KIF27: variants seen among roughly 807,000 people sequenced by gnomAD.
KIF27 encodes the protein kinesin-like protein KIF27.
Under a neutral mutation model 141.8 loss-of-function variants are expected in KIF27, and 84 were observed. That is an observed-to-expected ratio of 0.59 (90% CI 0.50 to 0.71). The LOEUF (loss-of-function observed/expected upper bound fraction) is 0.71. Among genes scored for constraint, KIF27 ranks in the 30% least tolerant of loss-of-function variants. The pLI is 0.00. For synonymous variants in KIF27, 471 were observed against 569.5 expected (o/e 0.83, Z 2.46); for missense variants, 1,306 against 1,628.4 (o/e 0.80, Z 3.41).
At chr9:83,859,918 G>A (rs1234093597) in intron 13 of KIF27, 1 of 150,174 alleles carries the variant, frequency 6.7e-6, no homozygotes, top group African/African-American at 2.4e-5. Context: ...GCCAAGAATT[G>A]CCTTGACTAG....
At chr9:83,913,947 A>G (rs1280712914) in intron 2 of KIF27, among the ~76,000 whole-genome samples, 1 of 152,102 alleles carries the variant, frequency 6.6e-6, no homozygotes, top group South Asian at 2.1e-4. Flanking sequence ...TAATTTAAAA[A>G]AAGTAGAAAG....
chr9:83,881,581 G>A (rs185842875), intron 10 of KIF27, among the ~76,000 whole-genome samples: 14 of 152,352 alleles, frequency 9.2e-5, no homozygotes, highest in Admixed American at 2.6e-4. Flanking sequence ...GTTTTCATGT[G>A]AGACTTTTTT....
At chr9:83,862,139 G>A (rs1306928515) in intron 13 of KIF27, among the ~76,000 whole-genome samples, 76 of 152,156 alleles carry the variant, frequency 5.0e-4, no homozygotes, top group Non-Finnish European at 8.8e-4. Flanking sequence ...TGTTCACTCT[G>A]ACGGTAGTTT....
chr9:83,913,214 G>T (rs1047980510), intron 2 of KIF27, among the ~76,000 whole-genome samples: 1 of 151,990 alleles, frequency 6.6e-6, no homozygotes, highest in African/African-American at 2.4e-5. Context: ...CTACAAAAAG[G>T]TTTTTAAAAT....
intron 14 of KIF27, among the ~76,000 whole-genome samples, chr9:83,857,895 G>C (rs2780155): frequency 4.6e-5 from 7 of 150,882 alleles, no homozygotes; most frequent in South Asian, 4.2e-4. Flanking sequence ...TCAGAGTTTA[G>C]AGTTTTCTTA....
rs1563988025 is a variant in KIF27 at position 83,903,097 on chromosome 9, G to A, written c.1421C>T (p.Thr474Ile). ...AAGCTCTCTCTTCAGCTGGAGAACTGTAACATGCTGTGGTCCTTCTTCCAG... is the reference window on the plus strand; with the variant it reads ...AAGCTCTCTCTTCAGCTGGAGAACTATAACATGCTGTGGTCCTTCTTCCAG... Reference protein sequence around the residue: ...ASLEEGPQHVTVLQLKRELKK... With the variant: ...ASLEEGPQHVIVLQLKRELKK... The change falls in exon 4 of 18, where the codon ACA becomes ATA. Residue 474 changes from threonine to isoleucine, a missense_variant. By Grantham distance (89) the Thr-to-Ile change is moderately conservative (BLOSUM62 -1). Transcript: ENST00000297814. The A allele has an allele frequency of 1.2e-6, 2 of 1,613,976 alleles. No individual in the cohort carries two copies. Among genetic ancestry groups the A allele is most frequent in the Admixed American group, 1.7e-5 (1 of 60,010 alleles).
intron 7 of KIF27, 50 bp downstream of exon 7, chr9:83,889,034 T>G: frequency 6.4e-7 from 1 of 1,551,212 alleles, no homozygotes; most frequent in Non-Finnish European, 8.7e-7. Flanking sequence ...CTATATTTAT[T>G]GCAGCATATA....
chr9:83,855,553 T>C (rs1179649724), intron 14 of KIF27, among the ~76,000 whole-genome samples: 2 of 152,212 alleles, frequency 1.3e-5, no homozygotes, highest in African/African-American at 4.8e-5. Context: ...TTATCCAATA[T>C]AGAGTAAGTC....
intron 2 of KIF27, among the ~76,000 whole-genome samples, chr9:83,911,111 G>A (rs1361160088): frequency 6.6e-6 from 1 of 152,100 alleles, no homozygotes; most frequent in Non-Finnish European, 1.5e-5. Context: ...GTGTCACCCA[G>A]GCTGGAGTGC....
chr9:83,883,954 T>C lies in KIF27; in HGVS notation c.2304A>G (p.Ala768=). ...CAATCAGTTCGACTTTTGCCTGTTC[T>C]GCATCATGCTCTAGCTTTGTTACTT... is the stretch of plus-strand genomic sequence containing the variant. ...SLKVTKLEHD[A]EQAKVELIET... Residue 768 remains alanine, a synonymous_variant, in exon 10 of 18, where the codon GCA becomes GCG. Transcript: ENST00000297814. The C allele has an allele frequency of 6.2e-7, 1 of 1,613,830 alleles. No individual in the cohort carries two copies. The highest frequency in any genetic ancestry group is 8.5e-7 in the Non-Finnish European group (1 of 1,179,770).
chr9:83,837,247 C>A lies in KIF27; in HGVS notation c.3960G>T (p.Glu1320Asp), dbSNP rs765389677. 1.2e-6 allele frequency: 2 copies of A among 1,613,424 alleles called. No individual in the cohort carries two copies. The highest frequency in any genetic ancestry group is 1.7e-6 in the Non-Finnish European group (2 of 1,179,652). Reference sequence around the variant, plus strand: ...GATTATCATCTGTTTCTGTTTTATTCTCATTACCTAACATATGCCCACTGG... The same window carrying A: ...GATTATCATCTGTTTCTGTTTTATTATCATTACCTAACATATGCCCACTGG... ...APPSGHMLGN[E>D]NKTETDDNQF... Residue 1320 changes from glutamate to aspartate, a missense_variant, in exon 18 of 18, where the codon GAG becomes GAT. By Grantham distance (45) the Glu-to-Asp change is conservative. This residue lies in a region of KIF27 where 148 missense variants were observed against 250.9 expected (regional missense o/e 0.59). Transcript: ENST00000297814.
intron 3 of KIF27, among the ~76,000 whole-genome samples, chr9:83,904,496 G>C (rs1954287955): frequency 6.6e-6 from 1 of 152,068 alleles, no homozygotes; most frequent in African/African-American, 2.4e-5. Context: ...AGCCTCCCGA[G>C]TAGTTGGGAT....
intron 16 of KIF27, among the ~76,000 whole-genome samples, chr9:83,844,347 G>GATAGCTATATATATTTATATAGCTATCT (rs1564273701): frequency 6.7e-6 from 1 of 149,814 alleles, no homozygotes; most frequent in African/African-American, 2.5e-5. Context: ...TATTTATATA[G>GATAGCTATATATATTTATATAGCTATCT]ATATCTATAT....
chr9:83,843,907 T>C (rs1946883976), intron 16 of KIF27, among the ~76,000 whole-genome samples: 1 of 152,060 alleles, frequency 6.6e-6, no homozygotes, highest in Admixed American at 6.6e-5. Flanking sequence ...AAATTTTTGG[T>C]AGAGATGGTG....
chr9:83,903,005 A>T (rs1173793652), intron 4 of KIF27, 55 bp downstream of exon 4: 5 of 1,108,506 alleles, frequency 4.5e-6, no homozygotes, highest in South Asian at 3.4e-5. Context: ...AAATATGTAC[A>T]TCTATTATGT....
chr9:83,870,548 C>G lies in KIF27; in HGVS notation c.2728G>C (p.Gly910Arg). Residue 910 changes from glycine to arginine, a missense_variant, in exon 12 of 18, where the codon GGT (glycine) becomes CGT (arginine). Around this residue, in one of 4 missense-constraint regions of KIF27, gnomAD observed 596 missense variants for 751.6 expected, o/e 0.79. Coordinates refer to ENST00000297814, the MANE Select transcript of KIF27 (RefSeq NM_017576.4). ...LDACNLKRRK[G>R]SFGSIDHLQK... ...AGATGGTCTATACTTCCAAACGAAC[C>G]TTTTCTCCTTTTCAAGTTACATGCA... 6.2e-7 allele frequency: 1 copy of G among 1,613,804 alleles called. No individual in the cohort carries two copies. The highest frequency in any genetic ancestry group is 1.3e-5 in the African/African-American group (1 of 75,004).
rs903991041 is a variant in KIF27, at chr9:83,857,973, T to G, written c.3150+1183A>C. On this transcript the variant is annotated intron_variant, in intron 14 of 17. Coordinates refer to ENST00000297814, the MANE Select transcript of KIF27 (RefSeq NM_017576.4). Reference sequence around the variant, plus strand: ...GGAAACATAATACTTTGGGTTTTTTTTTTTTTTTTTTGCTTCTTCTATCTT... The same window carrying G: ...GGAAACATAATACTTTGGGTTTTTTGTTTTTTTTTTTGCTTCTTCTATCTT... Among the ~76,000 whole-genome samples, 110 of 151,478 alleles carry G rather than the reference T, an allele frequency of 7.3e-4. 1 individual carries two copies. The highest frequency in any genetic ancestry group is 2.3e-3 in the African/African-American group (97 of 41,390).
intron 14 of KIF27, among the ~76,000 whole-genome samples, chr9:83,857,078 C>CA (rs1276481036): frequency 0.032 from 2,503 of 78,184 alleles, 75 homozygotes; most frequent in African/African-American, 0.1. Flanking sequence ...TGGATTTTAC[C>CA]AAAAAAAAAA....
chr9:83,871,589 A>G (rs1365441194), intron 11 of KIF27, among the ~76,000 whole-genome samples: 1 of 152,178 alleles, frequency 6.6e-6, no homozygotes, highest in East Asian at 1.9e-4. Flanking sequence ...GTAATGTTCA[A>G]TTTCTAGTGT....
Sources: gnomAD v4.1 joint callset for allele counts (sites outside exome capture counted in the v4.1 genomes callset) on GRCh38, gnomAD v4.1.1 for gene constraint, gnomAD v4.1.1 regional missense constraint, MANE v1.5 for transcripts, NCBI Gene and HGNC (gene_info 2026-07-23, HGNC 2026-07-21) for gene names.